NFATC1: variants seen among roughly 807,000 people sequenced by gnomAD.
The protein encoded by NFATC1 is nuclear factor of activated T-cells, cytoplasmic 1.
NFATC1 carries 22 observed loss-of-function variants against 76.0 expected under a neutral mutation model. The observed-to-expected ratio is 0.29, with a 90% CI of 0.21 to 0.41. The LOEUF (loss-of-function observed/expected upper bound fraction) is 0.41, where lower values mean the gene tolerates loss of function less well. Ranked by LOEUF, NFATC1 falls within the 10% of genes least tolerant of loss-of-function variation. The pLI is 1.00. For missense variants in NFATC1, 1,357 were observed against 1,337.7 expected (o/e 1.01, Z -0.23); for synonymous variants, 704 against 613.1 (o/e 1.15, Z -2.19).
At chr18:79,483,613 C>T (rs1283192287) in intron 8 of NFATC1, among the ~76,000 whole-genome samples, 1 of 87,454 alleles carries the variant, frequency 1.1e-5, no homozygotes, top group Non-Finnish European at 2.2e-5. Context: ...GGCGTGACCT[C>T]GTTCCTGGGG....
chr18:79,404,818 G>C (rs574649522), intron 1 of NFATC1, among the ~76,000 whole-genome samples: 2 of 152,236 alleles, frequency 1.3e-5, no homozygotes, highest in Non-Finnish European at 2.9e-5. Flanking sequence ...GTCGTGAGGG[G>C]CAGGTGCCCT....
At chr18:79,397,975 TACAC>T (rs886214392) in intron 1 of NFATC1, among the ~76,000 whole-genome samples, 7 of 152,166 alleles carry the variant, frequency 4.6e-5, no homozygotes, top group African/African-American at 1.2e-4. Context: ...TAGTCCTTGA[TACAC>T]ACAGGCCGGC....
At chr18:79,478,746 A>C (rs556557269) in intron 8 of NFATC1, among the ~76,000 whole-genome samples, 2 of 152,236 alleles carry the variant, frequency 1.3e-5, no homozygotes, top group East Asian at 3.9e-4. Flanking sequence ...CGTCGTGCTC[A>C]CCTGGGGCGG....
intron 1 of NFATC1, among the ~76,000 whole-genome samples, chr18:79,403,921 GCT>G (rs1162456210): frequency 3.3e-5 from 5 of 152,350 alleles, no homozygotes; most frequent in East Asian, 3.9e-4. Flanking sequence ...AATTAGGAAT[GCT>G]CTGTTGTTCA....
chr18:79,513,126 T>C (rs2090298410), intron 9 of NFATC1, among the ~76,000 whole-genome samples: 1 of 152,224 alleles, frequency 6.6e-6, no homozygotes, highest in Admixed American at 6.5e-5. Context: ...AGTATTTTAA[T>C]TCCTCTCTCG....
chr18:79,518,264 G>A (rs776519606), intron 9 of NFATC1, among the ~76,000 whole-genome samples: 9 of 152,234 alleles, frequency 5.9e-5, no homozygotes, highest in African/African-American at 1.2e-4. Context: ...CATGGCAGCC[G>A]CTGCGTCCAA....
chr18:79,483,672 T>C lies in NFATC1; in HGVS notation c.2093-2576T>C, dbSNP rs547528456. Among the ~76,000 whole-genome samples, 12 of 94,550 alleles carry C rather than the reference T, an allele frequency of 1.3e-4. 1 individual carries two copies. Among genetic ancestry groups the C allele is most frequent in the African/African-American group, 4.9e-4 (12 of 24,552 alleles). The allele number at this position is 94,550 out of a possible 152,430, so 62.0% of individuals were successfully genotyped here. On this transcript the variant is annotated intron_variant, in intron 8 of 9. Transcript: ENST00000427363. The stretch of plus-strand genomic sequence containing the variant: ...CTGGGGTGTAATTCCAGCGTGACCT[T>C]GTCCTGGGGTGTCACTCCAGCGTGA...
rs12968681 is a variant in NFATC1 at position 79,524,333 on chromosome 18, C to T, written c.2783-3195C>T. 1.4e-4 allele frequency among the ~76,000 whole-genome samples: 21 copies of T among 152,354 alleles called. No homozygotes were observed. Among genetic ancestry groups the T allele is most frequent in the Non-Finnish European group, 2.4e-4 (16 of 68,034 alleles). ...TGCGGGGCGAGCACGGCTCCACGTA[C>T]GGCTCTCGTCCGCGGTGTGGATGGG... On this transcript the variant is annotated intron_variant, in intron 9 of 9. Transcript: ENST00000427363. This position sits in a 1 kb window ranked among gnomAD's most constrained non-coding sequence, Gnocchi z 7.2.
chr18:79,429,866 C>G (rs544174919), intron 2 of NFATC1, among the ~76,000 whole-genome samples: 2 of 152,374 alleles, frequency 1.3e-5, no homozygotes, highest in African/African-American at 4.8e-5. Context: ...GGCGTCGGGT[C>G]AACGGCGGAC....
Position 79,527,772 on chromosome 18 carries a change from T to C in NFATC1, c.*195T>C, listed in dbSNP as rs894527933. 6.7e-6 allele frequency: 4 copies of C among 601,076 alleles called. No individual in the cohort carries two copies. The highest frequency in any genetic ancestry group is 1.2e-5 in the Non-Finnish European group (4 of 340,316). 37.2% of individuals were successfully genotyped at this position (601,076 alleles called of 1,614,324 possible). A position where few individuals can be genotyped will look rare whatever the true frequency, so the allele number is the denominator to read the frequency against. ...AAGCAGGGAGGAAGGGAGACCACTG[T>C]GTCACCTGGAGGAGAAGTCATCTCA... On this transcript the variant is annotated 3_prime_UTR_variant, in exon 10 of 10. Coordinates refer to ENST00000427363, the MANE Select transcript of NFATC1 (RefSeq NM_001278669.2).
chr18:79,507,522 C>T (rs557125506), intron 9 of NFATC1, among the ~76,000 whole-genome samples: 1 of 152,356 alleles, frequency 6.6e-6, no homozygotes, highest in South Asian at 2.1e-4. Flanking sequence ...CCTCACCCCT[C>T]AAGTGGATGG....
chr18:79,463,457 T>A (rs8084788), intron 7 of NFATC1, among the ~76,000 whole-genome samples: 1 of 73,384 alleles, frequency 1.4e-5, no homozygotes, highest in East Asian at 4.5e-4. Flanking sequence ...CCCGTGTCCA[T>A]ACCGGCCTCT....
chr18:79,430,266 G>C (rs1022346424), intron 2 of NFATC1, among the ~76,000 whole-genome samples: 3 of 152,176 alleles, frequency 2.0e-5, no homozygotes, highest in African/African-American at 7.2e-5. Context: ...CCAGCGGTGG[G>C]GGGAGGCGGC....
chr18:79,480,487 A>G (rs931488571), intron 8 of NFATC1, among the ~76,000 whole-genome samples: 5 of 152,252 alleles, frequency 3.3e-5, no homozygotes, highest in African/African-American at 1.2e-4. Flanking sequence ...GGCCGCCAGC[A>G]TCCTGGGGAG....
chr18:79,497,092 C>T (rs952534022), intron 9 of NFATC1: 1 of 152,260 alleles, frequency 6.6e-6, no homozygotes, highest in Non-Finnish European at 1.5e-5. Flanking sequence ...CTTTGCAAGC[C>T]GAAGGGGAGC....
rs141709391 is a variant in NFATC1, at chr18:79,526,558, G to C, written c.2783-970G>C. 9.2e-3 allele frequency among the ~76,000 whole-genome samples: 1,406 copies of C among 152,374 alleles called. 5 individuals carry two copies. The highest frequency in any genetic ancestry group is 0.015 in the Non-Finnish European group (1,054 of 68,028). On this transcript the variant is annotated intron_variant, in intron 9 of 9. Coordinates refer to ENST00000427363, the MANE Select transcript of NFATC1 (RefSeq NM_001278669.2). The stretch of plus-strand genomic sequence containing the variant: ...GCTTGCCTGGGTCTCTGGCCCCGCA[G>C]AGCCTTGGGCGAGCCAGCCTCGGGT...
chr18:79,406,922 C>T (rs1600601721), intron 1 of NFATC1, among the ~76,000 whole-genome samples: 1 of 152,214 alleles, frequency 6.6e-6, no homozygotes, highest in South Asian at 2.1e-4. Flanking sequence ...CACGGTCACC[C>T]AGGCGTGTGG....
intron 2 of NFATC1, chr18:79,422,096 T>A (rs2086112852): frequency 1.3e-5 from 2 of 152,192 alleles, no homozygotes; most frequent in African/African-American, 4.8e-5. Context: ...ACATCCAGAA[T>A]GCCGTCAGTT....
intron 2 of NFATC1, among the ~76,000 whole-genome samples, chr18:79,411,728 C>G (rs1020007134): frequency 1.3e-5 from 2 of 152,184 alleles, no homozygotes; most frequent in Non-Finnish European, 2.9e-5. Context: ...CCTCCGTCTG[C>G]GCGTTTCCCA....
Sources: gnomAD v4.1 joint callset for allele counts (sites outside exome capture counted in the v4.1 genomes callset) on GRCh38, gnomAD v4.1.1 for gene constraint, Gnocchi (gnomAD v3.1) non-coding constraint, MANE v1.5 for transcripts, NCBI Gene and HGNC (gene_info 2026-07-23, HGNC 2026-07-21) for gene names.